The following PPP3CA variants were observed in gnomAD, a reference collection of about 807,000 sequenced individuals.
PPP3CA encodes the protein CAM-PRP catalytic subunit.
A neutral mutation model predicts 66.5 loss-of-function variants in PPP3CA; 14 were observed. That is an observed-to-expected ratio of 0.21 (90% confidence interval 0.14 to 0.33). The LOEUF (loss-of-function observed/expected upper bound fraction) is 0.33, where lower values mean the gene tolerates loss of function less well. Ranked by LOEUF, PPP3CA falls within the 10% of genes least tolerant of loss-of-function variation. PPP3CA has a pLI of 1.00. For synonymous variants in PPP3CA, 232 were observed against 226.2 expected (o/e 1.03, Z -0.23); for missense variants, 317 against 639.5 (o/e 0.50, Z 5.44).
intron 5 of PPP3CA, 38 bp downstream of exon 5, chr4:101,098,329 G>A (rs200905351): frequency 5.7e-5 from 89 of 1,550,442 alleles, no homozygotes; most frequent in South Asian, 8.7e-5. Context: ...TTACTGTAGC[G>A]CACAAAATGA....
intron 9 of PPP3CA, among the ~76,000 whole-genome samples, chr4:101,063,009 A>G (rs554033319): frequency 1.3e-5 from 2 of 151,568 alleles, no homozygotes; most frequent in East Asian, 3.9e-4. Flanking sequence ...TTTCCTAAAT[A>G]TTCCTGTGTT....
chr4:101,300,983 T>A lies in PPP3CA; in HGVS notation c.58+45756A>T, dbSNP rs1578645069. On this transcript the variant is annotated intron_variant, in intron 1 of 13. Coordinates refer to ENST00000394854, the MANE Select transcript of PPP3CA (RefSeq NM_000944.5). ...TAATGAAAAGGGAAAAGTATTCATC[T>A]AAAATTATCACAATCTTTAGATTTA... Among the ~76,000 whole-genome samples the A allele has an allele frequency of 2.0e-5, 3 of 152,320 alleles. 1 individual carries two copies. In the South Asian group the frequency reaches 6.2e-4, roughly 32 times the overall value.
chr4:101,158,787 T>A (rs1266175232), intron 2 of PPP3CA, among the ~76,000 whole-genome samples: 1 of 152,220 alleles, frequency 6.6e-6, no homozygotes, highest in Non-Finnish European at 1.5e-5. Flanking sequence ...AGTAAAAGCT[T>A]TGTTATTCAA....
intron 1 of PPP3CA, among the ~76,000 whole-genome samples, chr4:101,221,567 AAAAAC>A (rs922986788): frequency 2.6e-5 from 4 of 151,564 alleles, no homozygotes; most frequent in African/African-American, 9.7e-5. Flanking sequence ...CACTTCGCTA[AAAAAC>A]AAAACAAAAC....
intron 1 of PPP3CA, among the ~76,000 whole-genome samples, chr4:101,243,447 G>C (rs1009139382): frequency 2.6e-5 from 4 of 152,014 alleles, no homozygotes; most frequent in Non-Finnish European, 4.4e-5. Context: ...CACATCTATG[G>C]ATTCAACCAA....
At chr4:101,102,269 G>A (rs1393630336) in intron 3 of PPP3CA, among the ~76,000 whole-genome samples, 2 of 151,122 alleles carry the variant, frequency 1.3e-5, no homozygotes, top group African/African-American at 4.9e-5. Context: ...AGGAAGGAAG[G>A]GAGGGAGGAA....
intron 10 of PPP3CA, among the ~76,000 whole-genome samples, chr4:101,049,446 A>G (rs1470529696): frequency 6.6e-6 from 1 of 152,136 alleles, no homozygotes; most frequent in Non-Finnish European, 1.5e-5. Flanking sequence ...AAACACATCA[A>G]TTTTATAAAG....
intron 13 of PPP3CA, among the ~76,000 whole-genome samples, chr4:101,028,420 T>C (rs937053961): frequency 2.6e-5 from 4 of 152,202 alleles, no homozygotes; most frequent in Non-Finnish European, 5.9e-5. Flanking sequence ...CAGCTGGAGA[T>C]GGACACTTCT....
In PPP3CA at chr4:101,025,820, CAAAAAAAAAAAA is replaced by C. The variant is rs35434632; in HGVS notation, c.*33_*44del. The C allele has an allele frequency of 2.6e-4, 124 of 479,350 alleles. No individual in the cohort carries two copies. The highest frequency in any genetic ancestry group is 3.8e-4 in the African/African-American group (7 of 18,384). The allele number at this position is 479,350 out of a possible 1,614,324, so 29.7% of individuals were successfully genotyped here. On this transcript the variant is annotated 3_prime_UTR_variant, in exon 14 of 14. Transcript: ENST00000394854. Reference sequence around the variant, plus strand: ...GCAATCCCCATCATGCCCCGCAGCTCAAAAAAAAAAAAAAAAAAAAAAAAAAAAAGTGAACAG... The same window carrying C: ...GCAATCCCCATCATGCCCCGCAGCTCAAAAAAAAAAAAAAAAAGTGAACAG...
At chr4:101,206,813 A>C (rs1725143788) in intron 1 of PPP3CA, among the ~76,000 whole-genome samples, 1 of 152,226 alleles carries the variant, frequency 6.6e-6, no homozygotes. Flanking sequence ...ATAGAAAATA[A>C]AAATGCCTTG....
intron 2 of PPP3CA, among the ~76,000 whole-genome samples, chr4:101,116,170 A>C (rs1005782896): frequency 6.6e-6 from 1 of 151,912 alleles, no homozygotes; most frequent in Non-Finnish European, 1.5e-5. Flanking sequence ...AAGTTTTTCC[A>C]GTTCATACTA....
intron 1 of PPP3CA, among the ~76,000 whole-genome samples, chr4:101,317,892 T>G (rs1376871024): frequency 6.6e-6 from 1 of 152,196 alleles, no homozygotes; most frequent in East Asian, 1.9e-4. Flanking sequence ...AGTCCCTTCT[T>G]CTGTAAACTG....
chr4:101,126,644 T>C (rs1057508684), intron 2 of PPP3CA, among the ~76,000 whole-genome samples: 7 of 152,164 alleles, frequency 4.6e-5, no homozygotes, highest in African/African-American at 1.7e-4. Context: ...ATTGTATCTT[T>C]AAACACTTCA....
chr4:101,184,771 A>G (rs1724355546), intron 2 of PPP3CA, among the ~76,000 whole-genome samples: 1 of 152,252 alleles, frequency 6.6e-6, no homozygotes, highest in Admixed American at 6.5e-5. Flanking sequence ...TAAAACCTTT[A>G]GTATATTGTT....
chr4:101,025,551 A>T lies in PPP3CA; in HGVS notation c.*314T>A. The T allele has an allele frequency of 5.0e-6, 1 of 200,684 alleles. No homozygotes were observed. Among genetic ancestry groups the T allele is most frequent in the Admixed American group, 5.5e-5 (1 of 18,078 alleles). The allele number at this position is 200,684 out of a possible 1,614,324, so 12.4% of individuals were successfully genotyped here. A position where few individuals can be genotyped will look rare whatever the true frequency, so the allele number is the denominator to read the frequency against. On this transcript the variant is annotated 3_prime_UTR_variant, in exon 14 of 14. Coordinates refer to ENST00000394854, the MANE Select transcript of PPP3CA (RefSeq NM_000944.5). ...CTAGAAGTCCCCAATGCAGTAGGAAAACATGTTCATTCCCCTAACATTGCA... is the reference window on the plus strand; with the variant it reads ...CTAGAAGTCCCCAATGCAGTAGGAATACATGTTCATTCCCCTAACATTGCA...
At chr4:101,084,629 G>C (rs1047951804) in intron 6 of PPP3CA, among the ~76,000 whole-genome samples, 1 of 150,976 alleles carries the variant, frequency 6.6e-6, no homozygotes, top group Non-Finnish European at 1.5e-5. Context: ...GGCGACAAGA[G>C]TGAAACTCCA....
intron 1 of PPP3CA, among the ~76,000 whole-genome samples, chr4:101,230,891 T>C (rs1261115249): frequency 6.6e-6 from 1 of 151,784 alleles, no homozygotes; most frequent in Non-Finnish European, 1.5e-5. Context: ...CAAGACTTTC[T>C]GTGTATTCTC....
chr4:101,026,222 C>T (rs1442529265), intron 13 of PPP3CA, among the ~76,000 whole-genome samples, 161 bp from the exon 14 acceptor site: 1 of 152,184 alleles, frequency 6.6e-6, no homozygotes, highest in East Asian at 1.9e-4. Flanking sequence ...AGACTCCTTA[C>T]CATACTCGGA....
At chr4:101,131,664 A>G (rs1722445497) in intron 2 of PPP3CA, among the ~76,000 whole-genome samples, 1 of 152,192 alleles carries the variant, frequency 6.6e-6, no homozygotes. Context: ...GGAGACTTTA[A>G]CACCCCACTG....
Sources: allele counts gnomAD v4.1 joint callset (sites outside exome capture counted in the v4.1 genomes callset), GRCh38; gene constraint gnomAD v4.1.1; transcripts MANE v1.5; gene names NCBI Gene and HGNC (gene_info 2026-07-23, HGNC 2026-07-21).